The following STUM variants were observed in gnomAD, a reference collection of about 807,000 sequenced individuals.
STUM encodes protein stum homolog.
A neutral mutation model predicts 15.3 loss-of-function variants in STUM; 8 were observed. The observed-to-expected ratio is 0.52, with a 90% CI of 0.31 to 0.94. The LOEUF is 0.94. STUM is among the 40% of genes least tolerant of loss of function. The pLI, the probability that STUM is intolerant of heterozygous loss-of-function variation, is 0.05. For missense variants in STUM, 142 were observed against 204.9 expected (o/e 0.69, Z 1.87); for synonymous variants, 78 against 88.7 (o/e 0.88, Z 0.68).
chr1:226,603,031 C>T lies in STUM; in HGVS notation c.*991C>T, dbSNP rs901773851. 4.6e-5 allele frequency: 7 copies of T among 152,348 alleles called. No individual in the cohort carries two copies. The highest frequency in any genetic ancestry group is 6.5e-5 in the Admixed American group (1 of 15,286). 9.4% of individuals were successfully genotyped at this position (152,348 alleles called of 1,614,324 possible). A position where few individuals can be genotyped will look rare whatever the true frequency, so the allele number is the denominator to read the frequency against. On this transcript the variant is annotated 3_prime_UTR_variant, in exon 4 of 4. Coordinates refer to ENST00000366788, the MANE Select transcript of STUM (RefSeq NM_001003665.4). ...AGAAACATGTGACTAGTCCCATTAA[C>T]TGGGAGCTATACAAACTGTAAATAG...
In STUM at chr1:226,579,549, G is replaced by A. The variant is rs900730987; in HGVS notation, c.203-17253G>A. On this transcript the variant is annotated intron_variant, in intron 1 of 3. Coordinates refer to ENST00000366788, the MANE Select transcript of STUM (RefSeq NM_001003665.4). ...AGAGATAGGAGAGTGAGGGGCCGTG[G>A]AGGCCTCCCCAGGAAGCCTCACTGG... Among the ~76,000 whole-genome samples, 5 of 152,352 alleles carry A rather than the reference G, an allele frequency of 3.3e-5. No homozygotes were observed. The South Asian group carries it at 1.0e-3, about 32-fold the overall frequency.
chr1:226,556,647 C>G (rs1667451049), intron 1 of STUM, among the ~76,000 whole-genome samples: 1 of 152,152 alleles, frequency 6.6e-6, no homozygotes, highest in Non-Finnish European at 1.5e-5. Context: ...CTAATTCTGG[C>G]TCCTCAGTAG....
chr1:226,585,939 T>C (rs138221068), intron 1 of STUM, among the ~76,000 whole-genome samples: 85 of 152,020 alleles, frequency 5.6e-4, no homozygotes, highest in African/African-American at 1.8e-3. Context: ...ACCAGCGTGG[T>C]TGGGTTCTGG....
rs1201146652 is a variant in STUM, at chr1:226,554,115, T to A, written c.202+5009T>A. ...ATTGAATGTGAGTGGAAATGACATA[T>A]TCCATGCCGAACAGACACGTTAAGA... On this transcript the variant is annotated intron_variant, in intron 1 of 3. Transcript: ENST00000366788. 2.0e-5 allele frequency among the ~76,000 whole-genome samples: 3 copies of A among 152,212 alleles called. No homozygotes were observed. The South Asian group carries it at 6.2e-4, about 32-fold the overall frequency.
intron 1 of STUM, among the ~76,000 whole-genome samples, chr1:226,554,709 T>C (rs1205878235): frequency 1.3e-5 from 2 of 152,230 alleles, no homozygotes; most frequent in Non-Finnish European, 2.9e-5. Flanking sequence ...AATTTTCCTG[T>C]CTACTGGCTC....
intron 1 of STUM, among the ~76,000 whole-genome samples, chr1:226,581,430 T>A (rs1382656153): frequency 6.6e-6 from 1 of 152,242 alleles, no homozygotes; most frequent in Non-Finnish European, 1.5e-5. Flanking sequence ...AGCTCACAGT[T>A]CTGGAGGCTG....
intron 2 of STUM, chr1:226,597,410 C>T (rs940037510): frequency 6.3e-6 from 3 of 473,506 alleles, no homozygotes; most frequent in Admixed American, 2.3e-5. Context: ...TATTTTCCCA[C>T]GCCCATCTAC....
chr1:226,573,095 C>T (rs1667746070), intron 1 of STUM, among the ~76,000 whole-genome samples: 1 of 152,240 alleles, frequency 6.6e-6, no homozygotes, highest in Non-Finnish European at 1.5e-5. Context: ...GGAGTTGGTC[C>T]AGCACCTGCT....
intron 1 of STUM, among the ~76,000 whole-genome samples, chr1:226,561,067 G>A (rs921683771): frequency 1.3e-5 from 2 of 152,068 alleles, no homozygotes; most frequent in Non-Finnish European, 1.5e-5. Context: ...GCCCTCTTCC[G>A]AAAGCCTTTC....
rs367647482 is a variant in STUM at position 226,565,855 on chromosome 1, G to A, written c.202+16749G>A. ...TGGCTGGAAGCATCGCTGCCTTCCC[G>A]GAATGTCATCTCCCTCTTTCACCTG... On this transcript the variant is annotated intron_variant, in intron 1 of 3. Transcript: ENST00000366788. The surrounding 1 kb of genome is among the most constrained non-coding windows in gnomAD (Gnocchi z 4.4). Among the ~76,000 whole-genome samples, 30 of 152,278 alleles carry A rather than the reference G, an allele frequency of 2.0e-4. No individual in the cohort carries two copies. The highest frequency in any genetic ancestry group is 5.3e-4 in the African/African-American group (22 of 41,544).
rs924083746 is a variant in STUM, at chr1:226,549,239, G to T, written c.202+133G>T. 3.8e-4 allele frequency: 275 copies of T among 733,134 alleles called. No individual in the cohort carries two copies. Among genetic ancestry groups the T allele is most frequent in the Non-Finnish European group, 5.4e-4 (253 of 471,862 alleles). 45.4% of individuals were successfully genotyped at this position (733,134 alleles called of 1,614,324 possible). On this transcript the variant is annotated intron_variant, in intron 1 of 3. Transcript: ENST00000366788. This position sits in a 1 kb window ranked among gnomAD's most constrained non-coding sequence, Gnocchi z 6.8. ...GTGCTGCGACCACGCGCCACCGCCC[G>T]CTCCTGGCGTCCCCGGGCAGGTGGC...
Position 226,552,074 on chromosome 1 carries a change from G to A in STUM, c.202+2968G>A, listed in dbSNP as rs182273931. Among the ~76,000 whole-genome samples the A allele has an allele frequency of 5.0e-4, 76 of 152,198 alleles. No individual in the cohort carries two copies. Among genetic ancestry groups the A allele is most frequent in the African/African-American group, 1.7e-3 (72 of 41,518 alleles). ...GGCAGTTTTTGCTGAATGAAGGCTC[G>A]TTTTTTATTTTTATTTTTTCCCTTT... On this transcript the variant is annotated intron_variant, in intron 1 of 3. Transcript: ENST00000366788. The surrounding 1 kb of genome is among the most constrained non-coding windows in gnomAD (Gnocchi z 4.7).
intron 1 of STUM, among the ~76,000 whole-genome samples, chr1:226,551,920 C>T (rs1277350300): frequency 1.3e-5 from 2 of 152,146 alleles, no homozygotes; most frequent in African/African-American, 4.8e-5. Flanking sequence ...CACGTGTCCT[C>T]AGCACTTGCC....
chr1:226,605,864 G>C lies in STUM; in HGVS notation c.*3824G>C, dbSNP rs867223883. 1 of 152,302 alleles carries C rather than the reference G, an allele frequency of 6.6e-6. No individual in the cohort carries two copies. The highest frequency in any genetic ancestry group is 1.5e-5 in the Non-Finnish European group (1 of 68,158). 9.4% of individuals were successfully genotyped at this position (152,302 alleles called of 1,614,324 possible). A position where few individuals can be genotyped will look rare whatever the true frequency, so the allele number is the denominator to read the frequency against. The stretch of plus-strand genomic sequence containing the variant: ...GGGGATGGCGGCAGAGAGACAGCTG[G>C]TATTAGGAGCTTCCCCATCCTAATG... On this transcript the variant is annotated 3_prime_UTR_variant, in exon 4 of 4. Transcript: ENST00000366788. The surrounding 1 kb of genome is among the most constrained non-coding windows in gnomAD (Gnocchi z 4.0).
At chr1:226,594,369 C>A (rs1478646214) in intron 1 of STUM, among the ~76,000 whole-genome samples, 1 of 152,208 alleles carries the variant, frequency 6.6e-6, no homozygotes, top group Non-Finnish European at 1.5e-5. Flanking sequence ...AAATAAAAAA[C>A]AAGGCAGCCT....
chr1:226,563,302 G>T (rs1558278863), intron 1 of STUM, among the ~76,000 whole-genome samples: 1 of 152,156 alleles, frequency 6.6e-6, no homozygotes, highest in Non-Finnish European at 1.5e-5. Context: ...AGTAAGTCAG[G>T]GGCTATCTGG....
intron 1 of STUM, among the ~76,000 whole-genome samples, chr1:226,559,497 C>T (rs947441880): frequency 1.3e-5 from 2 of 152,190 alleles, no homozygotes; most frequent in African/African-American, 4.8e-5. Flanking sequence ...GTTAACTGAA[C>T]ACACCGCTGT....
At chr1:226,577,193 C>T (rs1298096467) in intron 1 of STUM, among the ~76,000 whole-genome samples, 1 of 152,208 alleles carries the variant, frequency 6.6e-6, no homozygotes, top group Non-Finnish European at 1.5e-5. Context: ...TGTTGGTCTT[C>T]TTAACCTCTT....
chr1:226,572,737 C>G (rs654318), intron 1 of STUM, among the ~76,000 whole-genome samples: 121,050 of 152,238 alleles, frequency 0.8, 48,670 homozygotes, highest in African/African-American at 0.91. Context: ...CCCTCAAGTG[C>G]TCCTGCCATG....
Sources: gnomAD v4.1 joint callset for allele counts (sites outside exome capture counted in the v4.1 genomes callset) on GRCh38, gnomAD v4.1.1 for gene constraint, Gnocchi (gnomAD v3.1) non-coding constraint, MANE v1.5 for transcripts, NCBI Gene and HGNC (gene_info 2026-07-23, HGNC 2026-07-21) for gene names.